MCM9: variants seen among roughly 807,000 people sequenced by gnomAD.
The protein encoded by MCM9 is DNA helicase MCM9.
Under a neutral mutation model 72.8 loss-of-function variants are expected in MCM9, and 55 were observed. That is an observed-to-expected ratio of 0.76 (90% CI 0.61 to 0.95). MCM9 has a LOEUF of 0.95. MCM9 is among the 40% of genes least tolerant of loss of function. The pLI, the probability that MCM9 is intolerant of heterozygous loss-of-function variation, is 0.00. For synonymous variants in MCM9, 480 were observed against 503.4 expected (o/e 0.95, Z 0.62); for missense variants, 1,279 against 1,377.0 (o/e 0.93, Z 1.13).
rs1018512550 is a variant in MCM9, at chr6:118,849,065, G to T, written c.1325+7306C>A. Among the ~76,000 whole-genome samples the T allele has an allele frequency of 1.3e-4, 19 of 151,908 alleles. 1 individual carries two copies. Among genetic ancestry groups the T allele is most frequent in the African/African-American group, 4.6e-4 (19 of 41,226 alleles). ...TAACACATTAAAAGATTTTTCGATT[G>T]TTCATAAAGCTAAGCCCAATTCTAC... On this transcript the variant is annotated intron_variant, in intron 9 of 13. Coordinates refer to ENST00000619706, the MANE Select transcript of MCM9 (RefSeq NM_017696.3).
chr6:118,865,961 C>G (rs1391319628), intron 8 of MCM9, among the ~76,000 whole-genome samples: 1 of 152,212 alleles, frequency 6.6e-6, no homozygotes, highest in East Asian at 1.9e-4. Context: ...CTCTACCTGG[C>G]TTAGCACAGA....
At position 118,922,073 on chromosome 6, in the gene MCM9, G is replaced by A. The variant is rs141704109; in HGVS notation, c.635C>T (p.Ser212Phe). ...CATAGATCGTGGAATACTTCCAACA[G>A]ATAGCCTTTGAACCTAGCAAAGAAA... ...IKIQEQVQRL[S>F]VGSIPRSMKV... Residue 212 changes from serine to phenylalanine, a missense_variant, in exon 5 of 14, where the codon TCT becomes TTT. By Grantham distance (155) the Ser-to-Phe change is radical. Transcript: ENST00000619706. 1.1e-5 allele frequency: 18 copies of A among 1,612,100 alleles called. No homozygotes were observed. The highest frequency in any genetic ancestry group is 1.5e-5 in the Non-Finnish European group (18 of 1,179,110).
intron 8 of MCM9, among the ~76,000 whole-genome samples, chr6:118,872,090 G>C (rs1777635435): frequency 6.6e-6 from 1 of 152,138 alleles, no homozygotes; most frequent in Admixed American, 6.5e-5. Context: ...GGCCAAGGCG[G>C]GTGGATCACG....
In MCM9 at chr6:118,827,948, T is replaced by C. The variant is rs2114549635; in HGVS notation, c.1711A>G (p.Ser571Gly). 2 of 1,550,988 alleles carry C rather than the reference T, an allele frequency of 1.3e-6. No individual in the cohort carries two copies. The highest frequency in any genetic ancestry group is 3.9e-5 in the Admixed American group (2 of 50,998). ...AGACCTTCTGCTAATCGTATCAAGC[T>C]TTCCAACAGCCGAATGGTGGTCCGG... ...AARTTIRLLESLIRLAEAHAR... is the reference protein window; with the variant it reads ...AARTTIRLLEGLIRLAEAHAR... The change falls in exon 11 of 14, where the codon AGC becomes GGC. Residue 571 changes from serine to glycine, a missense_variant. Transcript: ENST00000619706.
At chr6:118,893,943 C>CCGCCGCGGCCA (rs1779141493) in intron 8 of MCM9, 1 of 913,732 alleles carries the variant, frequency 1.1e-6, no homozygotes, top group Non-Finnish European at 1.3e-6. Context: ...CCACGCCTCC[C>CCGCCGCGGCCA]CGCCGCGGCC....
intron 9 of MCM9, among the ~76,000 whole-genome samples, chr6:118,832,591 GAAGTA>G (rs1453849533): frequency 6.6e-6 from 1 of 152,128 alleles, no homozygotes; most frequent in Non-Finnish European, 1.5e-5. Context: ...TAAACTTCAA[GAAGTA>G]AAGACATTCC....
At chr6:118,916,300 T>G (rs1654190075) in intron 6 of MCM9, among the ~76,000 whole-genome samples, 1 of 151,010 alleles carries the variant, frequency 6.6e-6, no homozygotes, top group Non-Finnish European at 1.5e-5. Context: ...CTTTTGCTTC[T>G]TTCAATACAG....
At chr6:118,926,469 C>A (rs551646930) in intron 3 of MCM9, among the ~76,000 whole-genome samples, 1 of 152,310 alleles carries the variant, frequency 6.6e-6, no homozygotes, top group South Asian at 2.1e-4. Context: ...TCTACTGAAT[C>A]ACTTTCGCAT....
intron 9 of MCM9, among the ~76,000 whole-genome samples, chr6:118,831,340 C>CAAA (rs869238859): frequency 1.8e-4 from 13 of 71,394 alleles, no homozygotes; most frequent in East Asian, 1.3e-3. Context: ...GAGACCATCT[C>CAAA]AAAAAAAAAA....
At chr6:118,817,765 A>C (rs955492391) in intron 13 of MCM9, among the ~76,000 whole-genome samples, 3 of 152,204 alleles carry the variant, frequency 2.0e-5, no homozygotes, top group African/African-American at 7.2e-5. Flanking sequence ...ACAACGTAGA[A>C]GCATTCCTAT....
At chr6:118,851,415 G>T (rs1776217700) in intron 9 of MCM9, among the ~76,000 whole-genome samples, 1 of 151,666 alleles carries the variant, frequency 6.6e-6, no homozygotes, top group Non-Finnish European at 1.5e-5. Flanking sequence ...CCACTGAATA[G>T]AGTTATCATA....
chr6:118,895,702 TA>T (rs967355454), intron 8 of MCM9, among the ~76,000 whole-genome samples: 1 of 152,218 alleles, frequency 6.6e-6, no homozygotes, highest in African/African-American at 2.4e-5. Context: ...TATCTTTTAC[TA>T]AAGTAATTCA....
chr6:118,915,484 A>G (rs1258846597), intron 6 of MCM9, among the ~76,000 whole-genome samples: 1 of 152,186 alleles, frequency 6.6e-6, no homozygotes, highest in Admixed American at 6.5e-5. Flanking sequence ...ACATCTAAGC[A>G]CCAGGGTCAA....
chr6:118,867,174 C>T (rs556247796), intron 8 of MCM9, among the ~76,000 whole-genome samples: 8 of 151,924 alleles, frequency 5.3e-5, no homozygotes, highest in Non-Finnish European at 8.8e-5. Context: ...ACAAAAAAAA[C>T]GCTAAAGGGA....
intron 8 of MCM9, among the ~76,000 whole-genome samples, chr6:118,868,659 G>GA (rs1438518752): frequency 1.3e-5 from 2 of 152,288 alleles, no homozygotes; most frequent in South Asian, 2.1e-4. Context: ...ACAGATACAT[G>GA]AAAAAATGCT....
chr6:118,861,904 A>G (rs534387225), intron 8 of MCM9, among the ~76,000 whole-genome samples: 22 of 152,240 alleles, frequency 1.4e-4, no homozygotes, highest in African/African-American at 5.3e-4. Context: ...TCCTGCCACC[A>G]TCAACATGCC....
chr6:118,895,106 C>T (rs1370481742), intron 8 of MCM9, among the ~76,000 whole-genome samples: 6 of 152,182 alleles, frequency 3.9e-5, no homozygotes, highest in Non-Finnish European at 8.8e-5. Flanking sequence ...TGCCTGGCCG[C>T]TTCGGGGAGG....
At chr6:118,838,799 C>G (rs1775153237) in intron 9 of MCM9, among the ~76,000 whole-genome samples, 1 of 152,200 alleles carries the variant, frequency 6.6e-6, no homozygotes, top group South Asian at 2.1e-4. Context: ...GAGAGATCCA[C>G]TGTTAGTCTG....
At chr6:118,930,299 A>T (rs561948539) in intron 3 of MCM9, among the ~76,000 whole-genome samples, 2 of 151,902 alleles carry the variant, frequency 1.3e-5, no homozygotes, top group East Asian at 1.9e-4. Context: ...TTTTTTGTAG[A>T]GACGGGGTTT....
Sources: gnomAD v4.1 joint callset for allele counts (sites outside exome capture counted in the v4.1 genomes callset) on GRCh38, gnomAD v4.1.1 for gene constraint, MANE v1.5 for transcripts, NCBI Gene and HGNC (gene_info 2026-07-23, HGNC 2026-07-21) for gene names.